CROT: variants seen among roughly 807,000 people sequenced by gnomAD.
CROT encodes the protein peroxisomal carnitine O-octanoyltransferase.
In CROT, 84 loss-of-function variants were observed where a neutral mutation model predicts 89.2. The ratio of observed to expected loss-of-function variants is 0.94; its 90% CI spans 0.79 to 1.13. The LOEUF is 1.13. Ranked by LOEUF, CROT falls within the 50% of genes most tolerant of loss-of-function variation. The pLI is 0.00. For synonymous variants in CROT, 212 were observed against 239.5 expected (o/e 0.89, Z 1.06); for missense variants, 711 against 727.8 (o/e 0.98, Z 0.27).
At chr7:87,357,877 T>C (rs752719414) in intron 3 of CROT, among the ~76,000 whole-genome samples, 3 of 152,162 alleles carry the variant, frequency 2.0e-5, no homozygotes, top group Non-Finnish European at 4.4e-5. Context: ...CATATATTGT[T>C]ATGGGTATTG....
chr7:87,398,487 T>C, intron 17 of CROT, 37 bp from the exon 18 acceptor site: 3 of 1,610,608 alleles, frequency 1.9e-6, no homozygotes, highest in Non-Finnish European at 2.5e-6. Flanking sequence ...ATTTGGAGCC[T>C]TTTGTGTAAT....
intron 6 of CROT, among the ~76,000 whole-genome samples, chr7:87,367,005 G>A (rs1806468489): frequency 6.6e-6 from 1 of 152,130 alleles, no homozygotes; most frequent in Non-Finnish European, 1.5e-5. Flanking sequence ...CAACAGATAT[G>A]AGCAATCTTC....
chr7:87,375,400 T>A (rs879320100), intron 7 of CROT: 8 of 445,196 alleles, frequency 1.8e-5, no homozygotes, highest in African/African-American at 4.0e-5. Context: ...ATTTAGCCAA[T>A]AACTAAATTT....
chr7:87,382,529 C>A lies in CROT; in HGVS notation c.1287C>A (p.Tyr429Ter). ...FIQLALQLAY[Y>*]RLHGHPGCCY... ...AGCTTGCACTTCAGCTGGCCTATTA[C>A]AGACTTCATGGACAGTAAGGACCAT... is the stretch of plus-strand genomic sequence containing the variant. Residue 429 changes from tyrosine (Y) to a stop codon, truncating the protein, a stop_gained, in exon 13 of 18, where the codon TAC becomes TAA. Coordinates refer to ENST00000331536, the MANE Select transcript of CROT (RefSeq NM_021151.4). LOFTEE classifies it high-confidence loss of function. The A allele has an allele frequency of 6.2e-7, 1 of 1,613,822 alleles. No individual in the cohort carries two copies. The highest frequency in any genetic ancestry group is 8.5e-7 in the Non-Finnish European group (1 of 1,179,794).
In CROT at chr7:87,383,267, C is replaced by G. The variant is rs116531731; in HGVS notation, c.1301+724C>G. On this transcript the variant is annotated intron_variant, in intron 13 of 17. Coordinates refer to ENST00000331536, the MANE Select transcript of CROT (RefSeq NM_021151.4). Reference sequence around the variant, plus strand: ...AACTTCTCTTCAATCTCCTCTCCCCCCTACTCATCCCAATCTCTGTTAACC... The same window carrying G: ...AACTTCTCTTCAATCTCCTCTCCCCGCTACTCATCCCAATCTCTGTTAACC... Among the ~76,000 whole-genome samples the G allele has an allele frequency of 9.8e-3, 1,492 of 152,216 alleles. 26 individuals carry two copies. The highest frequency in any genetic ancestry group is 0.034 in the African/African-American group (1,417 of 41,534).
intron 10 of CROT, 109 bp from the exon 11 acceptor site, chr7:87,381,801 C>T (rs1807015727): frequency 1.5e-6 from 1 of 688,118 alleles, no homozygotes; most frequent in African/African-American, 1.8e-5. Context: ...CATTTGAAGA[C>T]TCTATGCTTT....
chr7:87,392,123 C>CT (rs370986515), intron 14 of CROT, among the ~76,000 whole-genome samples: 13 of 152,060 alleles, frequency 8.5e-5, no homozygotes, highest in South Asian at 2.1e-4. Flanking sequence ...GTTTCATACT[C>CT]TTTTTTTTGA....
intron 13 of CROT, among the ~76,000 whole-genome samples, chr7:87,384,968 C>CTG (rs1259291121): frequency 6.6e-6 from 1 of 152,028 alleles, no homozygotes; most frequent in African/African-American, 2.4e-5. Context: ...ATTGAAGAGC[C>CTG]TGTCCTTTCC....
At chr7:87,378,636 T>C (rs543806027) in intron 10 of CROT, among the ~76,000 whole-genome samples, 1 of 152,180 alleles carries the variant, frequency 6.6e-6, no homozygotes, top group African/African-American at 2.4e-5. Context: ...CCAAAGGAAA[T>C]AGTCAGCTTC....
chr7:87,383,029 G>T (rs1341069742), intron 13 of CROT, among the ~76,000 whole-genome samples: 1 of 152,038 alleles, frequency 6.6e-6, no homozygotes, highest in Non-Finnish European at 1.5e-5. Flanking sequence ...TGATTTTTTT[G>T]ATACATGCAT....
At chr7:87,358,822 C>G (rs755869389) in intron 3 of CROT, among the ~76,000 whole-genome samples, 17 of 152,170 alleles carry the variant, frequency 1.1e-4, no homozygotes, top group Non-Finnish European at 2.2e-4. Flanking sequence ...ATAAATGGAC[C>G]TGTGCAGTTC....
intron 13 of CROT, among the ~76,000 whole-genome samples, chr7:87,384,111 G>A (rs1807115968): frequency 6.6e-6 from 1 of 152,072 alleles, no homozygotes; most frequent in Non-Finnish European, 1.5e-5. Context: ...TGATAAAAGT[G>A]ATTTTTAACT....
chr7:87,367,907 T>A (rs1806496613), intron 6 of CROT, among the ~76,000 whole-genome samples: 1 of 152,178 alleles, frequency 6.6e-6, no homozygotes, highest in African/African-American at 2.4e-5. Context: ...TGGCATACCT[T>A]CTCTTCACCC....
rs1456674384 is a variant in CROT, at chr7:87,391,841, T to C, written c.1425+129T>C. 3.2e-6 allele frequency: 3 copies of C among 944,974 alleles called. No individual in the cohort carries two copies. The East Asian group carries it at 8.6e-5, about 27-fold the overall frequency. The allele number at this position is 944,974 out of a possible 1,614,324, so 58.5% of individuals were successfully genotyped here. The stretch of plus-strand genomic sequence containing the variant: ...TTAAAATACTTTGAGACATCTTTTC[T>C]GAGGTTTTTAAAGCATTTGTTCATT... On this transcript the variant is annotated intron_variant, in intron 14 of 17. Coordinates refer to ENST00000331536, the MANE Select transcript of CROT (RefSeq NM_021151.4).
At chr7:87,354,896 A>G (rs1806009193) in intron 3 of CROT, among the ~76,000 whole-genome samples, 1 of 152,224 alleles carries the variant, frequency 6.6e-6, no homozygotes. Flanking sequence ...AATCACATAC[A>G]AAATTCCTTT....
At position 87,392,596 on chromosome 7, in the gene CROT, G is replaced by A. The variant is rs1461676938; in HGVS notation, c.1456G>A (p.Ala486Thr). ...TGAGCGGCAGCAAAAGATGTTACAA[G>A]CTTTTGCAAAGCATAATAAAATGAT... ...LRERQQKMLQ[A>T]FAKHNKMMKD... The change falls in exon 15 of 18, where the codon GCT becomes ACT. Residue 486 changes from alanine to threonine, a missense_variant. Physicochemically the swap from Ala to Thr is moderately conservative, Grantham distance 58. Coordinates refer to ENST00000331536, the MANE Select transcript of CROT (RefSeq NM_021151.4). The A allele has an allele frequency of 1.2e-6, 2 of 1,613,410 alleles. No individual in the cohort carries two copies. The highest frequency in any genetic ancestry group is 2.2e-5 in the East Asian group (1 of 44,856).
chr7:87,359,281 A>G lies in CROT; in HGVS notation c.191A>G (p.Glu64Gly). The change falls in exon 4 of 18, where the codon GAA (glutamate) becomes GGA (glycine). Residue 64 changes from glutamate to glycine, a missense_variant. Glu to Gly is a moderately conservative substitution (Grantham distance 98, BLOSUM62 -2). Transcript: ENST00000331536. ...CAAAAATTTCAAAGTGGGATTGGAG[A>G]AAAATTGCACCAGAAATTGCTTGAA... ...IVQKFQSGIG[E>G]KLHQKLLERA... 1 of 1,600,414 alleles carries G rather than the reference A, an allele frequency of 6.2e-7. No individual in the cohort carries two copies. The highest frequency in any genetic ancestry group is 8.6e-7 in the Non-Finnish European group (1 of 1,169,204).
intron 13 of CROT, among the ~76,000 whole-genome samples, chr7:87,385,572 A>G (rs759117582): frequency 6.6e-6 from 1 of 152,120 alleles, no homozygotes; most frequent in Middle Eastern, 3.4e-3. Flanking sequence ...TTTGTTTATC[A>G]CTCTAATGGC....
chr7:87,383,790 C>T (rs147423000), intron 13 of CROT, among the ~76,000 whole-genome samples: 559 of 152,196 alleles, frequency 3.7e-3, no homozygotes, highest in African/African-American at 0.013. Flanking sequence ...AGCCACCACG[C>T]CCGGCCCACA....
Sources: gnomAD v4.1 joint callset for allele counts (sites outside exome capture counted in the v4.1 genomes callset) on GRCh38, gnomAD v4.1.1 for gene constraint, MANE v1.5 for transcripts, NCBI Gene and HGNC (gene_info 2026-07-23, HGNC 2026-07-21) for gene names.